The following NFAT5 variants were observed in gnomAD, a reference collection of about 807,000 sequenced individuals.
The protein encoded by NFAT5 is nuclear factor of activated T-cells 5.
Under a neutral mutation model 166.5 loss-of-function variants are expected in NFAT5, and 31 were observed. The ratio of observed to expected loss-of-function variants is 0.19; its 90% CI spans 0.14 to 0.25. The LOEUF (loss-of-function observed/expected upper bound fraction) is 0.25. Among genes scored for constraint, NFAT5 ranks in the 10% least tolerant of loss-of-function variants. NFAT5 has a pLI of 1.00. For synonymous variants in NFAT5, 612 were observed against 639.7 expected (o/e 0.96, Z 0.65); for missense variants, 1,449 against 1,821.8 (o/e 0.80, Z 3.72).
At chr16:69,617,730 T>G (rs1261667088) in intron 2 of NFAT5, among the ~76,000 whole-genome samples, 1 of 151,984 alleles carries the variant, frequency 6.6e-6, no homozygotes, top group Non-Finnish European at 1.5e-5. Context: ...TGGGCTAAAG[T>G]GATCCTCCCA....
chr16:69,622,643 G>T (rs2034250554), intron 2 of NFAT5, among the ~76,000 whole-genome samples: 2 of 152,060 alleles, frequency 1.3e-5, no homozygotes, highest in African/African-American at 4.8e-5. Context: ...ACAAAGTTTT[G>T]CTTTGATTTG....
chr16:69,574,533 C>G (rs910531255), intron 2 of NFAT5, among the ~76,000 whole-genome samples: 1 of 151,970 alleles, frequency 6.6e-6, no homozygotes. Flanking sequence ...GATAATGGAT[C>G]TAGCTTTCAG....
Position 69,692,353 on chromosome 16 carries a change from A to G in NFAT5, c.2528A>G (p.Gln843Arg), listed in dbSNP as rs757345324. 31 of 1,614,232 alleles carry G rather than the reference A, an allele frequency of 1.9e-5. No homozygotes were observed. The highest frequency in any genetic ancestry group is 2.5e-5 in the Non-Finnish European group (29 of 1,180,040). The change falls in exon 13 of 15, where the codon CAG becomes CGG. Residue 843 changes from glutamine to arginine, a missense_variant. Transcript: ENST00000349945. ...APDGNENVQE[Q>R]LSADIFQQVS... ...GATGGTAATGAGAATGTTCAAGAGC[A>G]GCTTAGTGCAGATATTTTTCAACAA...
chr16:69,655,759 A>G lies in NFAT5; in HGVS notation c.1156A>G (p.Ile386Val). ...AGTGGACATTGAAGGCACTACTGTT[A>G]TAGAAGTCGGCCTTGATCCTAGCAA... ...KEVDIEGTTV[I>V]EVGLDPSNNM... Residue 386 changes from isoleucine to valine, a missense_variant, in exon 6 of 15, where the codon ATA (isoleucine) becomes GTA (valine). Ile to Val is a conservative substitution (Grantham distance 29). Around this residue, in one of 7 missense-constraint regions of NFAT5, gnomAD observed 245 missense variants for 366.6 expected, o/e 0.67. Coordinates refer to ENST00000349945, the MANE Select transcript of NFAT5 (RefSeq NM_138713.4). 2 of 1,613,844 alleles carry G rather than the reference A, an allele frequency of 1.2e-6. No individual in the cohort carries two copies. The highest frequency in any genetic ancestry group is 8.5e-7 in the Non-Finnish European group (1 of 1,179,830).
chr16:69,653,186 T>C (rs747017073), intron 4 of NFAT5, 50 bp from the exon 5 acceptor site: 17 of 1,275,392 alleles, frequency 1.3e-5, no homozygotes, highest in Non-Finnish European at 1.8e-5. Context: ...TTTTTTTTTA[T>C]CAAAAAACTC....
chr16:69,657,361 C>G (rs895642441), intron 6 of NFAT5, among the ~76,000 whole-genome samples: 17 of 151,710 alleles, frequency 1.1e-4, no homozygotes, highest in Non-Finnish European at 2.2e-4. Context: ...AACTCCTGAC[C>G]TCAAATGATC....
chr16:69,618,995 C>T lies in NFAT5; in HGVS notation c.128-7408C>T, dbSNP rs578102006. Among the ~76,000 whole-genome samples the T allele has an allele frequency of 5.3e-5, 8 of 152,232 alleles. No individual in the cohort carries two copies. The South Asian group carries it at 6.2e-4, about 12-fold the overall frequency. ...CAACGAAACAGAAACATCTTATTTA[C>T]GGAGCTTTTTTCCCCGTTTTTATTA... is the stretch of plus-strand genomic sequence containing the variant. On this transcript the variant is annotated intron_variant, in intron 2 of 14. Coordinates refer to ENST00000349945, the MANE Select transcript of NFAT5 (RefSeq NM_138713.4).
chr16:69,628,541 C>T (rs552756801), intron 3 of NFAT5, among the ~76,000 whole-genome samples: 30 of 152,304 alleles, frequency 2.0e-4, no homozygotes, highest in Non-Finnish European at 4.1e-4. Context: ...AAGAGCACTT[C>T]ATACCTTACC....
At chr16:69,634,277 C>CAAAA (rs745354566) in intron 3 of NFAT5, among the ~76,000 whole-genome samples, 63 of 84,450 alleles carry the variant, frequency 7.5e-4, no homozygotes, top group East Asian at 2.7e-3. Context: ...TTCCGACTCA[C>CAAAA]AAAAAAAAAA....
At chr16:69,640,206 G>T (rs945726876) in intron 3 of NFAT5, among the ~76,000 whole-genome samples, 6 of 152,152 alleles carry the variant, frequency 3.9e-5, no homozygotes, top group Non-Finnish European at 5.9e-5. Context: ...CAATAGTGAA[G>T]ACAAATAGTG....
In NFAT5 at chr16:69,697,764, A is replaced by C. The variant is rs2037807306; in HGVS notation, c.*1413A>C. The stretch of plus-strand genomic sequence containing the variant: ...TTCTCACTACCACCTGTGTCTGGAC[A>C]CATGCTTATGTCTCATTTTCCTTTT... On this transcript the variant is annotated 3_prime_UTR_variant, in exon 15 of 15. Coordinates refer to ENST00000349945, the MANE Select transcript of NFAT5 (RefSeq NM_138713.4). 6.6e-6 allele frequency: 1 copy of C among 152,630 alleles called. No individual in the cohort carries two copies. Among genetic ancestry groups the C allele is most frequent in the Non-Finnish European group, 1.5e-5 (1 of 68,036 alleles). The allele number at this position is 152,630 out of a possible 1,614,324, so 9.5% of individuals were successfully genotyped here. A position where few individuals can be genotyped will look rare whatever the true frequency, so the allele number is the denominator to read the frequency against.
At chr16:69,573,197 G>C (rs1228327489) in intron 2 of NFAT5, among the ~76,000 whole-genome samples, 1 of 152,132 alleles carries the variant, frequency 6.6e-6, no homozygotes, top group East Asian at 1.9e-4. Context: ...AAGAAAATGT[G>C]AAATATGACA....
At chr16:69,614,037 CT>C (rs1332389634) in intron 2 of NFAT5, among the ~76,000 whole-genome samples, 1 of 152,138 alleles carries the variant, frequency 6.6e-6, no homozygotes, top group Admixed American at 6.5e-5. Context: ...ATTCTGTTGC[CT>C]TTTTCAACTA....
rs1188158260 is a variant in NFAT5, at chr16:69,688,202, C to CAAAAAAAAAAAAA, written c.1775-2726_1775-2714dup. Among the ~76,000 whole-genome samples, 346 of 49,434 alleles carry CAAAAAAAAAAAAA rather than the reference C, an allele frequency of 7.0e-3. 9 individuals carry two copies. Among genetic ancestry groups the CAAAAAAAAAAAAA allele is most frequent in the East Asian group, 0.012 (12 of 1,000 alleles). 32.4% of individuals were successfully genotyped at this position (49,434 alleles called of 152,430 possible). ...TGGGCGACAGAGCGAGACTCCGTCTCAAAAAAAAAAAAAAAAAAAAAAAAC... is the reference window on the plus strand; with the variant it reads ...TGGGCGACAGAGCGAGACTCCGTCTCAAAAAAAAAAAAAAAAAAAAAAAAAAAAAAAAAAAAAC... On this transcript the variant is annotated intron_variant, in intron 11 of 14. Coordinates refer to ENST00000349945, the MANE Select transcript of NFAT5 (RefSeq NM_138713.4).
chr16:69,653,801 A>T (rs575421356), intron 5 of NFAT5, among the ~76,000 whole-genome samples: 1 of 152,202 alleles, frequency 6.6e-6, no homozygotes, highest in South Asian at 2.1e-4. Context: ...GGAACTCCTG[A>T]TCTCAAGTGA....
rs2037526953 is a variant in NFAT5 at position 69,691,053 on chromosome 16, G to A, written c.1888G>A (p.Val630Ile). 1 of 1,603,872 alleles carries A rather than the reference G, an allele frequency of 6.2e-7. No individual in the cohort carries two copies. Among genetic ancestry groups the A allele is most frequent in the African/African-American group, 1.3e-5 (1 of 74,736 alleles). ...GAGTGAAGATGTTACTCCAATGGAAGTAACAGCAGAAAAAAGATCTTCCAC... is the reference window on the plus strand; with the variant it reads ...GAGTGAAGATGTTACTCCAATGGAAATAACAGCAGAAAAAAGATCTTCCAC... ...IKSEDVTPME[V>I]TAEKRSSTIF... is the part of the protein sequence containing the mutation. The change falls in exon 12 of 15, where the codon GTA becomes ATA. Residue 630 changes from valine (V) to isoleucine (I), a missense_variant. Val to Ile is a conservative substitution (Grantham distance 29, BLOSUM62 3). This residue lies in a region of NFAT5 where 245 missense variants were observed against 366.6 expected (regional missense o/e 0.67). Coordinates refer to ENST00000349945, the MANE Select transcript of NFAT5 (RefSeq NM_138713.4).
intron 2 of NFAT5, among the ~76,000 whole-genome samples, chr16:69,623,530 G>T (rs2034298060): frequency 6.7e-6 from 1 of 150,144 alleles, no homozygotes; most frequent in South Asian, 2.1e-4. Context: ...TTTTTGAGAT[G>T]GAGTTTCACT....
chr16:69,600,760 GAAA>G (rs34206965), intron 2 of NFAT5, among the ~76,000 whole-genome samples: 1 of 101,362 alleles, frequency 9.9e-6, no homozygotes, highest in Admixed American at 1.2e-4. Flanking sequence ...GGAATACTTT[GAAA>G]AAAAAAAAAA....
chr16:69,586,878 C>A (rs1341646647), intron 2 of NFAT5, among the ~76,000 whole-genome samples: 1 of 152,140 alleles, frequency 6.6e-6, no homozygotes, highest in Non-Finnish European at 1.5e-5. Flanking sequence ...ATAAGACATA[C>A]TTCTATAGCT....
Sources: allele counts gnomAD v4.1 joint callset (sites outside exome capture counted in the v4.1 genomes callset), GRCh38; gene constraint gnomAD v4.1.1; regional missense constraint gnomAD v4.1.1; transcripts MANE v1.5; gene names NCBI Gene and HGNC (gene_info 2026-07-23, HGNC 2026-07-21).